The following KCNMA1 variants were observed in gnomAD, a reference collection of about 807,000 sequenced individuals.
The protein encoded by KCNMA1 is Calcium-activated potassium channel subunit alpha-1.
A neutral mutation model predicts 140.0 loss-of-function variants in KCNMA1; 29 were observed. The ratio of observed to expected loss-of-function variants is 0.21; its 90% CI spans 0.15 to 0.28. The LOEUF (loss-of-function observed/expected upper bound fraction) is 0.28. Among genes scored for constraint, KCNMA1 ranks in the 10% least tolerant of loss-of-function variants. The probability of loss-of-function intolerance (pLI) is 1.00; values close to 1 mark genes in which losing one functional copy is unlikely to be tolerated. For missense variants in KCNMA1, 880 were observed against 1,602.2 expected, an observed-to-expected ratio of 0.55 and a Z score of 7.70; for synonymous variants, 612 against 611.9, an observed-to-expected ratio of 1.00 and a Z score of 0.00.
intron 9 of KCNMA1, among the ~76,000 whole-genome samples, chr10:77,095,982 C>T (rs774381193): frequency 3.3e-5 from 5 of 152,128 alleles, no homozygotes; most frequent in Non-Finnish European, 7.3e-5. Flanking sequence ...TTGTTAGAGC[C>T]AGTAGCCTTT....
At chr10:77,265,161 C>A (rs1352422331) in intron 2 of KCNMA1, among the ~76,000 whole-genome samples, 1 of 151,430 alleles carries the variant, frequency 6.6e-6, no homozygotes, top group African/African-American at 2.4e-5. Flanking sequence ...AAGTGATTCT[C>A]CTGTCTCAGC....
chr10:77,284,376 G>A (rs1418709954), intron 2 of KCNMA1, among the ~76,000 whole-genome samples: 2 of 151,972 alleles, frequency 1.3e-5, no homozygotes, highest in African/African-American at 4.8e-5. Flanking sequence ...ATAATTTAAA[G>A]AAAAAAAATT....
At position 76,889,519 on chromosome 10, in the gene KCNMA1, A is replaced by T; in HGVS notation, c.3393T>A (p.Asn1131Lys). ...DLFCKALKTY[N>K]MLCFGIYRLR... ...GCCGGTAAATTCCAAAACAAAGCATATTATATGTTTTCAGAGCTTTGCAGA... is the reference window on the plus strand; with the variant it reads ...GCCGGTAAATTCCAAAACAAAGCATTTTATATGTTTTCAGAGCTTTGCAGA... Residue 1131 changes from asparagine to lysine, a missense_variant, in exon 27 of 28, where the codon AAT (asparagine) becomes AAA (lysine). Asn to Lys is a moderately conservative substitution (Grantham distance 94). This residue lies in a region of KCNMA1 where 115 missense variants were observed against 139.9 expected (regional missense o/e 0.82). Coordinates refer to ENST00000286628, the MANE Select transcript of KCNMA1 (RefSeq NM_001161352.2). The T allele has an allele frequency of 6.2e-7, 1 of 1,614,110 alleles. No homozygotes were observed. Among genetic ancestry groups the T allele is most frequent in the Non-Finnish European group, 8.5e-7 (1 of 1,179,988 alleles).
At position 76,977,510 on chromosome 10, in the gene KCNMA1, G is replaced by A. The variant is rs934197292; in HGVS notation, c.2267-7443C>T. The A allele has an allele frequency of 1.0e-5, 7 of 702,640 alleles. No homozygotes were observed. The East Asian group carries it at 1.3e-4, about 13-fold the overall frequency. 43.5% of individuals were successfully genotyped at this position (702,640 alleles called of 1,614,324 possible). ...TGAGGACTTGCCATAGAGACCATAT[G>A]GGTTGCAAAGACTAAGATATTAACT... On this transcript the variant is annotated intron_variant, in intron 19 of 27. Coordinates refer to ENST00000286628, the MANE Select transcript of KCNMA1 (RefSeq NM_001161352.2).
chr10:77,172,566 G>C (rs1305816861), intron 5 of KCNMA1, among the ~76,000 whole-genome samples: 1 of 152,006 alleles, frequency 6.6e-6, no homozygotes, highest in Non-Finnish European at 1.5e-5. Flanking sequence ...CCACTTGGCT[G>C]GGCTGCCTTC....
downstream of KCNMA1, among the ~76,000 whole-genome samples, chr10:76,882,496 C>A (rs1005235209): frequency 1.3e-5 from 2 of 152,152 alleles, no homozygotes; most frequent in Non-Finnish European, 2.9e-5. Flanking sequence ...TCCGTCCCCA[C>A]CCACACATAC....
At chr10:77,458,145 T>A (rs768081481) in intron 1 of KCNMA1, among the ~76,000 whole-genome samples, 11 of 152,182 alleles carry the variant, frequency 7.2e-5, no homozygotes, top group Non-Finnish European at 1.0e-4. Context: ...AAACACACTG[T>A]CTGAATTCCA....
chr10:77,461,811 C>T (rs1329526158), intron 1 of KCNMA1, among the ~76,000 whole-genome samples: 1 of 152,130 alleles, frequency 6.6e-6, no homozygotes, highest in Non-Finnish European at 1.5e-5. Context: ...GTGAGTCTGC[C>T]CATTGCCCCG....
At chr10:77,081,072 C>T (rs138286230) in intron 12 of KCNMA1, among the ~76,000 whole-genome samples, 1 of 152,262 alleles carries the variant, frequency 6.6e-6, no homozygotes, top group East Asian at 1.9e-4. Context: ...TAAGCATGGC[C>T]TGCACCCACC....
chr10:77,615,040 C>T (rs143796879), intron 1 of KCNMA1, among the ~76,000 whole-genome samples: 3 of 152,190 alleles, frequency 2.0e-5, no homozygotes, highest in Admixed American at 6.5e-5. Flanking sequence ...ACACATAATC[C>T]CTGATAGAGA....
At chr10:77,532,701 G>A in intron 1 of KCNMA1, among the ~76,000 whole-genome samples, 1 of 152,192 alleles carries the variant, frequency 6.6e-6, no homozygotes, top group East Asian at 1.9e-4. Flanking sequence ...ATGATTTACA[G>A]AAGAATTTTA....
At chr10:76,997,892 T>C (rs558534139) in intron 19 of KCNMA1, among the ~76,000 whole-genome samples, 43 of 152,242 alleles carry the variant, frequency 2.8e-4, no homozygotes, top group South Asian at 4.1e-4. Flanking sequence ...TATGCACTGA[T>C]TCTAGCCTAC....
chr10:77,413,537 T>C (rs988679095), intron 1 of KCNMA1, among the ~76,000 whole-genome samples: 1 of 150,914 alleles, frequency 6.6e-6, no homozygotes, highest in Non-Finnish European at 1.5e-5. Flanking sequence ...CCAGCTGGGG[T>C]TTTCATGGCA....
chr10:77,516,870 C>A (rs907712252), intron 1 of KCNMA1, among the ~76,000 whole-genome samples: 1 of 152,000 alleles, frequency 6.6e-6, no homozygotes, highest in Admixed American at 6.6e-5. Context: ...GAGGGCCTCT[C>A]ATGCAGGCAT....
At chr10:77,418,222 C>A (rs1314954882) in intron 1 of KCNMA1, among the ~76,000 whole-genome samples, 1 of 152,126 alleles carries the variant, frequency 6.6e-6, no homozygotes, top group East Asian at 1.9e-4. Context: ...CTTCTCGATC[C>A]CTAATGGGAG....
intron 5 of KCNMA1, among the ~76,000 whole-genome samples, chr10:77,145,620 C>T (rs191299887): frequency 2.1e-4 from 32 of 152,280 alleles, no homozygotes; most frequent in African/African-American, 7.0e-4. Context: ...TTTTCTGAGA[C>T]AGAAGTGGTC....
downstream of KCNMA1, among the ~76,000 whole-genome samples, chr10:76,881,765 C>T (rs778837258): frequency 6.6e-6 from 1 of 152,140 alleles, no homozygotes; most frequent in Middle Eastern, 3.4e-3. Flanking sequence ...GTGTGTATAT[C>T]GGGGTGTATC....
intron 2 of KCNMA1, among the ~76,000 whole-genome samples, chr10:77,324,949 CT>C (rs2083479682): frequency 1.3e-5 from 1 of 79,126 alleles, no homozygotes; most frequent in Non-Finnish European, 2.6e-5. Flanking sequence ...GACTCTCTCT[CT>C]CTCTCTCTCT....
chr10:76,880,889 C>T (rs79896442), downstream of KCNMA1, among the ~76,000 whole-genome samples: 12 of 152,190 alleles, frequency 7.9e-5, no homozygotes, highest in East Asian at 7.7e-4. Context: ...GGCAATTGAT[C>T]GGGGTGGGAG....
Sources: allele counts gnomAD v4.1 joint callset (sites outside exome capture counted in the v4.1 genomes callset), GRCh38; gene constraint gnomAD v4.1.1; regional missense constraint gnomAD v4.1.1; transcripts MANE v1.5; gene names NCBI Gene and HGNC (gene_info 2026-07-23, HGNC 2026-07-21).